Variants in KIAA1328 observed in about 807,000 individuals in gnomAD.
KIAA1328 encodes the protein protein hinderin.
A neutral mutation model predicts 68.1 loss-of-function variants in KIAA1328; 52 were observed. The observed-to-expected ratio is 0.76, with a 90% CI of 0.61 to 0.96. KIAA1328 has a LOEUF of 0.96. KIAA1328 is among the 40% of genes least tolerant of loss of function. The pLI is 0.00. For missense variants in KIAA1328, 641 were observed against 677.6 expected (o/e 0.95, Z 0.60); for synonymous variants, 232 against 239.4 (o/e 0.97, Z 0.28).
At chr18:36,871,979 A>C (rs2047960977) in intron 4 of KIAA1328, among the ~76,000 whole-genome samples, 1 of 152,160 alleles carries the variant, frequency 6.6e-6, no homozygotes, top group Admixed American at 6.5e-5. Context: ...AGCCCTGATC[A>C]AGCATCAATC....
intron 6 of KIAA1328, among the ~76,000 whole-genome samples, chr18:36,961,574 G>T (rs929873252): frequency 1.3e-5 from 2 of 152,230 alleles, no homozygotes; most frequent in Non-Finnish European, 2.9e-5. Flanking sequence ...GAGAAAGGTC[G>T]GGTTACCCAC....
chr18:36,911,257 C>T (rs964290816), intron 5 of KIAA1328, among the ~76,000 whole-genome samples: 1 of 152,144 alleles, frequency 6.6e-6, no homozygotes, highest in Non-Finnish European at 1.5e-5. Flanking sequence ...AATCACCTTA[C>T]AGTGATTCCT....
intron 6 of KIAA1328, chr18:37,063,732 T>G (rs1423878672): frequency 1.1e-6 from 1 of 923,318 alleles, no homozygotes; most frequent in East Asian, 1.2e-4. Flanking sequence ...AAAAAATTTT[T>G]TAATTTATTC....
chr18:37,033,191 A>G (rs2054900740), intron 6 of KIAA1328, among the ~76,000 whole-genome samples: 1 of 152,040 alleles, frequency 6.6e-6, no homozygotes, highest in Non-Finnish European at 1.5e-5. Context: ...CTTAATTATG[A>G]TGAGCTTATT....
At chr18:37,036,215 T>C (rs1396845160) in intron 6 of KIAA1328, among the ~76,000 whole-genome samples, 2 of 152,230 alleles carry the variant, frequency 1.3e-5, no homozygotes, top group African/African-American at 4.8e-5. Flanking sequence ...GTTTGAGTTG[T>C]TTCTGGAGCA....
intron 5 of KIAA1328, among the ~76,000 whole-genome samples, chr18:36,887,949 G>A (rs1192326363): frequency 4.6e-5 from 7 of 152,076 alleles, no homozygotes; most frequent in Admixed American, 2.0e-4. Flanking sequence ...GCCCTTGTTT[G>A]GTAAAATACT....
intron 6 of KIAA1328, among the ~76,000 whole-genome samples, chr18:37,031,908 T>C (rs2054843969): frequency 6.6e-6 from 1 of 152,220 alleles, no homozygotes; most frequent in Non-Finnish European, 1.5e-5. Flanking sequence ...GGCTCACACC[T>C]GTATTTGCAG....
chr18:36,981,492 AAC>A (rs2052684888), intron 6 of KIAA1328, among the ~76,000 whole-genome samples: 1 of 152,236 alleles, frequency 6.6e-6, no homozygotes, highest in South Asian at 2.1e-4. Flanking sequence ...TAATAAAATT[AAC>A]AGTCAAGGAT....
At chr18:36,959,272 A>G (rs187694949) in intron 5 of KIAA1328, 36 bp from the exon 6 acceptor site, 157 of 1,531,354 alleles carry the variant, frequency 1.0e-4, no homozygotes, top group Admixed American at 1.7e-4. Flanking sequence ...GTTTGAATCA[A>G]TTTTTCAGTT....
chr18:37,139,768 T>C (rs2058728041), intron 7 of KIAA1328, among the ~76,000 whole-genome samples: 1 of 152,204 alleles, frequency 6.6e-6, no homozygotes, highest in South Asian at 2.1e-4. Context: ...AGCAGAATAA[T>C]GTATCTATAT....
chr18:37,155,426 A>G (rs1444766110), intron 7 of KIAA1328, among the ~76,000 whole-genome samples: 1 of 152,100 alleles, frequency 6.6e-6, no homozygotes, highest in Non-Finnish European at 1.5e-5. Context: ...TATCAACCCA[A>G]AATTCTGGCA....
intron 6 of KIAA1328, among the ~76,000 whole-genome samples, chr18:36,991,179 TC>T (rs2053162608): frequency 6.6e-6 from 1 of 152,204 alleles, no homozygotes; most frequent in Admixed American, 6.5e-5. Context: ...AAAAACATAG[TC>T]CTATAGTTGT....
chr18:36,877,503 T>A (rs1286383395), intron 4 of KIAA1328, among the ~76,000 whole-genome samples: 2 of 146,700 alleles, frequency 1.4e-5, no homozygotes, highest in Non-Finnish European at 3.0e-5. Flanking sequence ...CCTGGTGGGT[T>A]TTTTTTGTTG....
chr18:37,056,519 C>T (rs886461742), intron 6 of KIAA1328, among the ~76,000 whole-genome samples: 14 of 152,002 alleles, frequency 9.2e-5, no homozygotes, highest in African/African-American at 3.4e-4. Flanking sequence ...CTGTCGTAAA[C>T]CAAAGATACC....
chr18:37,115,173 C>A (rs765979276), intron 7 of KIAA1328, among the ~76,000 whole-genome samples: 14 of 152,170 alleles, frequency 9.2e-5, no homozygotes, highest in Non-Finnish European at 1.8e-4. Context: ...ATGAGGCCAG[C>A]ATCATCCTGA....
At chr18:37,101,821 G>C (rs2057627791) in intron 7 of KIAA1328, among the ~76,000 whole-genome samples, 1 of 152,142 alleles carries the variant, frequency 6.6e-6, no homozygotes, top group Non-Finnish European at 1.5e-5. Flanking sequence ...CTGATCTCTG[G>C]GCAGAAACTC....
intron 6 of KIAA1328, among the ~76,000 whole-genome samples, chr18:37,049,436 T>A (rs957552663): frequency 9.2e-5 from 14 of 152,220 alleles, no homozygotes; most frequent in African/African-American, 2.9e-4. Context: ...ATAAAATATC[T>A]TCCCTTGTTT....
At chr18:37,082,636 C>T (rs904716003) in intron 7 of KIAA1328, among the ~76,000 whole-genome samples, 15 of 152,170 alleles carry the variant, frequency 9.9e-5, no homozygotes, top group African/African-American at 3.6e-4. Flanking sequence ...TTGGGACGAG[C>T]TTGTCATTTT....
In KIAA1328 at chr18:37,072,713, C is replaced by T. The variant is rs567714671; in HGVS notation, c.1232+5168C>T. On this transcript the variant is annotated intron_variant, in intron 7 of 9. Coordinates refer to ENST00000280020, the MANE Select transcript of KIAA1328 (RefSeq NM_020776.3). The stretch of plus-strand genomic sequence containing the variant: ...CGTACAGGTTTATTACATAGGTATA[C>T]GGGTACCATGGTGGTTTGCTGCACA... Among the ~76,000 whole-genome samples the T allele has an allele frequency of 4.4e-4, 67 of 152,148 alleles. 1 individual carries two copies. Among genetic ancestry groups the T allele is most frequent in the African/African-American group, 1.6e-3 (65 of 41,514 alleles).
Sources: gnomAD v4.1 joint callset for allele counts (sites outside exome capture counted in the v4.1 genomes callset) on GRCh38, gnomAD v4.1.1 for gene constraint, MANE v1.5 for transcripts, NCBI Gene and HGNC (gene_info 2026-07-23, HGNC 2026-07-21) for gene names.